Variants in TRHDE observed in about 807,000 individuals in gnomAD.
The protein encoded by TRHDE is thyrotropin-releasing hormone-degrading ectoenzyme.
Under a neutral mutation model 125.7 loss-of-function variants are expected in TRHDE, and 72 were observed. The ratio of observed to expected loss-of-function variants is 0.57; its 90% confidence interval spans 0.47 to 0.70. The LOEUF (loss-of-function observed/expected upper bound fraction) is 0.70. Ranked by LOEUF, TRHDE falls within the 30% of genes least tolerant of loss-of-function variation. TRHDE has a pLI of 0.00. For synonymous variants in TRHDE, 509 were observed against 509.1 expected (o/e 1.00, Z 0.00); for missense variants, 1,110 against 1,327.1 (o/e 0.84, Z 2.54).
intron 2 of TRHDE, among the ~76,000 whole-genome samples, chr12:72,377,629 A>G (rs1345893451): frequency 6.6e-6 from 1 of 152,122 alleles, no homozygotes; most frequent in African/African-American, 2.4e-5. Flanking sequence ...CTGCCAAGCC[A>G]CCATATCCTG....
At chr12:72,128,207 G>T (rs1875770744) in intron 2 of TRHDE, among the ~76,000 whole-genome samples, 1 of 152,100 alleles carries the variant, frequency 6.6e-6, no homozygotes, top group African/African-American at 2.4e-5. Flanking sequence ...GAAATAATTA[G>T]CCCTAGAATA....
chr12:72,614,510 A>G (rs1872746861), intron 12 of TRHDE, among the ~76,000 whole-genome samples: 1 of 151,732 alleles, frequency 6.6e-6, no homozygotes, highest in African/African-American at 2.4e-5. Flanking sequence ...AACAGATAAA[A>G]CCTAATAAAC....
At chr12:72,244,671 A>G (rs1187042461) in intron 2 of TRHDE, among the ~76,000 whole-genome samples, 2 of 152,136 alleles carry the variant, frequency 1.3e-5, no homozygotes, top group African/African-American at 2.4e-5. Flanking sequence ...GTTTATATAC[A>G]TATTTTATTG....
At chr12:72,513,266 CTCAA>C (rs1227293703) in intron 6 of TRHDE, among the ~76,000 whole-genome samples, 1 of 151,982 alleles carries the variant, frequency 6.6e-6, no homozygotes, top group Admixed American at 6.6e-5. Context: ...ATATATAAAC[CTCAA>C]TCAGAGTTTC....
intron 2 of TRHDE, among the ~76,000 whole-genome samples, chr12:72,377,736 T>C (rs1260606917): frequency 6.6e-6 from 1 of 152,134 alleles, no homozygotes; most frequent in African/African-American, 2.4e-5. Context: ...ATATTTATTT[T>C]GATGCAAGGT....
chr12:72,605,371 C>T (rs1246293353), intron 12 of TRHDE, among the ~76,000 whole-genome samples: 7 of 152,172 alleles, frequency 4.6e-5, no homozygotes, highest in African/African-American at 1.4e-4. Flanking sequence ...CTCCTTGCGA[C>T]TCAATGTATT....
chr12:72,459,104 C>T (rs1876006428), intron 3 of TRHDE, among the ~76,000 whole-genome samples: 1 of 152,170 alleles, frequency 6.6e-6, no homozygotes, highest in South Asian at 2.1e-4. Flanking sequence ...CTGCACTCCT[C>T]AGCTCATGGT....
chr12:72,451,282 A>G (rs959511228), intron 3 of TRHDE, among the ~76,000 whole-genome samples: 2 of 152,050 alleles, frequency 1.3e-5, no homozygotes, highest in Non-Finnish European at 2.9e-5. Context: ...TCTTTAACCC[A>G]TTTTGCATTG....
intron 2 of TRHDE, 69 bp from the exon 3 acceptor site, chr12:72,377,926 A>C: frequency 9.0e-7 from 1 of 1,111,782 alleles, no homozygotes; most frequent in Non-Finnish European, 1.2e-6. Context: ...GTGTAGATTC[A>C]TATTTGCAGG....
rs374163369 is a variant in TRHDE at position 72,381,379 on chromosome 12, G to A, written c.1315+3258G>A. Among the ~76,000 whole-genome samples the A allele has an allele frequency of 4.0e-5, 6 of 151,680 alleles. No individual in the cohort carries two copies. The South Asian group carries it at 1.2e-3, about 32-fold the overall frequency. Reference sequence around the variant, plus strand: ...AGTGGTAGCATTCTGGATATATATTGAAAGTAGATACGAAAGTTTTTTTTT... The same window carrying A: ...AGTGGTAGCATTCTGGATATATATTAAAAGTAGATACGAAAGTTTTTTTTT... On this transcript the variant is annotated intron_variant, in intron 3 of 18. Transcript: ENST00000261180.
Position 72,470,697 on chromosome 12 carries a change from A to G in TRHDE, c.1470+785A>G, listed in dbSNP as rs547794343. Among the ~76,000 whole-genome samples the G allele has an allele frequency of 2.0e-5, 3 of 152,196 alleles. No homozygotes were observed. The South Asian group carries it at 6.2e-4, about 32-fold the overall frequency. ...TCTCATTGTGATACAGTGTGATTTCAATAAATTATAAAACCCACACCTTGT... is the reference window on the plus strand; with the variant it reads ...TCTCATTGTGATACAGTGTGATTTCGATAAATTATAAAACCCACACCTTGT... On this transcript the variant is annotated intron_variant, in intron 4 of 18. Transcript: ENST00000261180.
At chr12:72,524,950 T>C (rs1366087957) in intron 6 of TRHDE, among the ~76,000 whole-genome samples, 3 of 152,174 alleles carry the variant, frequency 2.0e-5, no homozygotes, top group South Asian at 2.1e-4. Flanking sequence ...ATCCTTTTCA[T>C]GTGGAAAGTA....
chr12:72,618,970 G>C lies in TRHDE; in HGVS notation c.2401G>C (p.Ala801Pro). 6.2e-7 allele frequency: 1 copy of C among 1,602,740 alleles called. No individual in the cohort carries two copies. Among genetic ancestry groups the C allele is most frequent in the Non-Finnish European group, 8.5e-7 (1 of 1,174,140 alleles). ...SEEKDFLPWH[A>P]ASRALYPLDK... ...GGAGAAGGATTTTCTTCCTTGGCAT[G>C]CTGCCAGCCGAGCTCTTTATCCTCT... The change falls in exon 13 of 19, where the codon GCT becomes CCT. Residue 801 changes from alanine to proline, a missense_variant. Physicochemically the swap from Ala to Pro is conservative, Grantham distance 27 (BLOSUM62 -1). Transcript: ENST00000261180.
At chr12:72,094,900 A>G (rs1025497240) in intron 1 of TRHDE, among the ~76,000 whole-genome samples, 6 of 152,194 alleles carry the variant, frequency 3.9e-5, no homozygotes, top group East Asian at 1.9e-4. Flanking sequence ...ATGAATCCCA[A>G]CACGAAGGTA....
rs1263697600 is a variant in TRHDE, at chr12:72,665,612, A to G, written c.*2417A>G. 6.6e-6 allele frequency: 1 copy of G among 152,134 alleles called. No homozygotes were observed. The highest frequency in any genetic ancestry group is 1.5e-5 in the Non-Finnish European group (1 of 67,976). 9.4% of individuals were successfully genotyped at this position (152,134 alleles called of 1,614,324 possible). On this transcript the variant is annotated 3_prime_UTR_variant, in exon 19 of 19. Transcript: ENST00000261180. ...TGATATCTCTTGGAATAATCTGTAA[A>G]ACGTAGTTATAAAATTCTATTTTCT... is the stretch of plus-strand genomic sequence containing the variant.
intron 3 of TRHDE, among the ~76,000 whole-genome samples, chr12:72,446,485 C>G (rs1029305244): frequency 6.6e-6 from 1 of 152,020 alleles, no homozygotes; most frequent in African/African-American, 2.4e-5. Flanking sequence ...ATCATAATGA[C>G]AGGATCAAAT....
intron 2 of TRHDE, among the ~76,000 whole-genome samples, chr12:72,336,362 G>A (rs1046462712): frequency 2.0e-5 from 3 of 152,100 alleles, no homozygotes; most frequent in Non-Finnish European, 4.4e-5. Context: ...AAAATATCAT[G>A]AGAATTTCCT....
At chr12:72,502,391 A>T (rs1417375221) in intron 6 of TRHDE, among the ~76,000 whole-genome samples, 1 of 152,046 alleles carries the variant, frequency 6.6e-6, no homozygotes, top group African/African-American at 2.4e-5. Flanking sequence ...CTAATTATCC[A>T]TTTCATTTGT....
rs576049957 is a variant in TRHDE at position 72,382,340 on chromosome 12, G to C, written c.1315+4219G>C. Reference sequence around the variant, plus strand: ...AGCAAATGGGCATGGGGTTGGGGAGGGGGGGACAGTGACTAGAAGCAGTGA... The same window carrying C: ...AGCAAATGGGCATGGGGTTGGGGAGCGGGGGACAGTGACTAGAAGCAGTGA... On this transcript the variant is annotated intron_variant, in intron 3 of 18. Transcript: ENST00000261180. Among the ~76,000 whole-genome samples, 11 of 152,060 alleles carry C rather than the reference G, an allele frequency of 7.2e-5. No homozygotes were observed. The South Asian group carries it at 1.2e-3, about 17-fold the overall frequency.
Sources: allele counts gnomAD v4.1 joint callset (sites outside exome capture counted in the v4.1 genomes callset), GRCh38; gene constraint gnomAD v4.1.1; transcripts MANE v1.5; gene names NCBI Gene and HGNC (gene_info 2026-07-23, HGNC 2026-07-21).